The following SLC9A1 variants were observed in gnomAD, a reference collection of about 807,000 sequenced individuals.
SLC9A1 encodes the protein sodium/hydrogen exchanger 1.
SLC9A1 carries 22 observed loss-of-function variants against 67.9 expected under a neutral mutation model. The observed-to-expected ratio is 0.32, with a 90% CI of 0.23 to 0.46. The LOEUF (loss-of-function observed/expected upper bound fraction) is 0.46, where lower values mean the gene tolerates loss of function less well. Ranked by LOEUF, SLC9A1 falls within the 20% of genes least tolerant of loss-of-function variation. The probability of loss-of-function intolerance (pLI) is 1.00; values close to 1 mark genes in which losing one functional copy is unlikely to be tolerated. For synonymous variants in SLC9A1, 421 were observed against 471.8 expected, an observed-to-expected ratio of 0.89 and a Z score of 1.40; for missense variants, 686 against 1,094.8, an observed-to-expected ratio of 0.63 and a Z score of 5.27.
At chr1:27,134,847 C>T (rs2083408979) in intron 1 of SLC9A1, among the ~76,000 whole-genome samples, 1 of 152,122 alleles carries the variant, frequency 6.6e-6, no homozygotes, top group African/African-American at 2.4e-5. Flanking sequence ...AATGATTCTC[C>T]CACCTTGGCC....
intron 2 of SLC9A1, among the ~76,000 whole-genome samples, chr1:27,111,700 C>CT (rs1361406387): frequency 2.6e-5 from 4 of 152,126 alleles, no homozygotes; most frequent in African/African-American, 9.7e-5. Flanking sequence ...GTCCCAGCTA[C>CT]TTGGGAGGCT....
intron 8 of SLC9A1, 90 bp from the exon 9 acceptor site, chr1:27,102,220 G>A: frequency 7.4e-7 from 1 of 1,350,222 alleles, no homozygotes; most frequent in Non-Finnish European, 1.1e-6. Context: ...CCCTAGGGAT[G>A]ACCCAGGTGG....
At position 27,101,243 on chromosome 1, in the gene SLC9A1, C is replaced by T. The variant is rs750796635; in HGVS notation, c.2070G>A (p.Lys690=). 5 of 1,612,314 alleles carry T rather than the reference C, an allele frequency of 3.1e-6. No individual in the cohort carries two copies. Among genetic ancestry groups the T allele is most frequent in the Non-Finnish European group, 4.2e-6 (5 of 1,179,972 alleles). The change falls in exon 11 of 12, where the codon AAG becomes AAA. Residue 690 remains lysine (K), a synonymous_variant. Transcript: ENST00000263980. The surrounding 1 kb of genome is among the most constrained non-coding windows in gnomAD (Gnocchi z 4.9). ...CCCGAGACATGGTGGGTGAGTCCAG[C>T]TTGTGGGCTGGCACCGTCAGGTAGT... ...INNYLTVPAH[K]LDSPTMSRAR... is the part of the protein sequence containing the mutation.
In SLC9A1 at chr1:27,130,392, G is replaced by A. The variant is rs184039764; in HGVS notation, c.353-16106C>T. The stretch of plus-strand genomic sequence containing the variant: ...GCTGGGATTACAGGCGTGAGCCACC[G>A]CACCCGGCCTAAACTGCTGGTCTTT... On this transcript the variant is annotated intron_variant, in intron 1 of 11. Transcript: ENST00000263980. 7.8e-3 allele frequency among the ~76,000 whole-genome samples: 1,180 copies of A among 152,256 alleles called. 14 individuals are homozygous for A. The highest frequency in any genetic ancestry group is 0.026 in the African/African-American group (1,091 of 41,560).
rs529216512 is a variant in SLC9A1 at position 27,116,797 on chromosome 1, C to T, written c.353-2511G>A. On this transcript the variant is annotated intron_variant, in intron 1 of 11. Coordinates refer to ENST00000263980, the MANE Select transcript of SLC9A1 (RefSeq NM_003047.5). ...ATCTGCTCTTGCCTCATGTCCCATTCTCCCCACTGTCAACTCTTAGGTTTC... is the reference window on the plus strand; with the variant it reads ...ATCTGCTCTTGCCTCATGTCCCATTTTCCCCACTGTCAACTCTTAGGTTTC... Among the ~76,000 whole-genome samples, 366 of 152,276 alleles carry T rather than the reference C, an allele frequency of 2.4e-3. 1 individual carries two copies. Among genetic ancestry groups the T allele is most frequent in the Middle Eastern group, 0.01 (3 of 294 alleles).
intron 2 of SLC9A1, among the ~76,000 whole-genome samples, chr1:27,111,955 C>T (rs2083231318): frequency 6.6e-6 from 1 of 152,222 alleles, no homozygotes; most frequent in Non-Finnish European, 1.5e-5. Context: ...CTGCTTGATG[C>T]AACCATGCCC....
rs187433786 is a variant in SLC9A1 at position 27,146,934 on chromosome 1, A to G, written c.352+7049T>C. Among the ~76,000 whole-genome samples, 569 of 152,004 alleles carry G rather than the reference A, an allele frequency of 3.7e-3. 5 individuals carry two copies. The highest frequency in any genetic ancestry group is 0.013 in the African/African-American group (531 of 41,462). ...GCAGATCGCCTGAGGTCAGGAGTTC[A>G]AGACCAGCCTGGCCAACATGGCGAA... On this transcript the variant is annotated intron_variant, in intron 1 of 11. Coordinates refer to ENST00000263980, the MANE Select transcript of SLC9A1 (RefSeq NM_003047.5).
chr1:27,135,597 C>G (rs1032566082), intron 1 of SLC9A1, among the ~76,000 whole-genome samples: 11 of 145,960 alleles, frequency 7.5e-5, no homozygotes, highest in African/African-American at 2.3e-4. Context: ...AAATTCAGTA[C>G]TAAACACTTT....
chr1:27,151,484 C>T (rs1344718268), intron 1 of SLC9A1, among the ~76,000 whole-genome samples: 4 of 152,128 alleles, frequency 2.6e-5, no homozygotes, highest in African/African-American at 4.8e-5. Context: ...CCTTGGCCTC[C>T]AGAGTAGCTG....
At chr1:27,103,156 G>T in intron 6 of SLC9A1, 67 bp downstream of exon 6, 1 of 1,181,440 alleles carries the variant, frequency 8.5e-7, no homozygotes, top group Non-Finnish European at 1.3e-6. Context: ...AGAGACTTGA[G>T]GCCCAGCTGC....
At chr1:27,139,610 G>A (rs1358529994) in intron 1 of SLC9A1, among the ~76,000 whole-genome samples, 1 of 151,226 alleles carries the variant, frequency 6.6e-6, no homozygotes, top group African/African-American at 2.5e-5. Flanking sequence ...CACAGGTGCA[G>A]TTAGCTTCTC....
chr1:27,145,776 G>C (rs991926660), intron 1 of SLC9A1, among the ~76,000 whole-genome samples: 2 of 152,128 alleles, frequency 1.3e-5, no homozygotes, highest in Non-Finnish European at 2.9e-5. Context: ...CTGGATTCTT[G>C]GCAAGTAGTA....
chr1:27,131,440 A>G (rs923525717), intron 1 of SLC9A1, among the ~76,000 whole-genome samples: 4 of 70,442 alleles, frequency 5.7e-5, no homozygotes, highest in African/African-American at 2.0e-4. Flanking sequence ...CTAAAAATAC[A>G]AAAAAAAAAA....
At chr1:27,140,062 G>A (rs954122051) in intron 1 of SLC9A1, among the ~76,000 whole-genome samples, 4 of 151,814 alleles carry the variant, frequency 2.6e-5, no homozygotes, top group Admixed American at 2.6e-4. Context: ...CAAAGTGCCG[G>A]GATTACAGGT....
Position 27,109,411 on chromosome 1 carries a change from C to T in SLC9A1, c.1064+116G>A, listed in dbSNP as rs2083211909. On this transcript the variant is annotated intron_variant, in intron 3 of 11. Transcript: ENST00000263980. This position sits in a 1 kb window ranked among gnomAD's most constrained non-coding sequence, Gnocchi z 5.5. ...TGGAGCCTGGAGTTCATGTCTCATC[C>T]CTGGAGCTCAAGGCTGGGCCCTGGG... is the stretch of plus-strand genomic sequence containing the variant. 1 of 1,140,208 alleles carries T rather than the reference C, an allele frequency of 8.8e-7. No homozygotes were observed. Among genetic ancestry groups the T allele is most frequent in the Non-Finnish European group, 1.3e-6 (1 of 782,842 alleles). The allele number at this position is 1,140,208 out of a possible 1,614,324, so 70.6% of individuals were successfully genotyped here.
chr1:27,131,665 T>C (rs1306166972), intron 1 of SLC9A1, among the ~76,000 whole-genome samples: 1 of 150,342 alleles, frequency 6.7e-6, no homozygotes, highest in East Asian at 1.9e-4. Flanking sequence ...GGAGAATTGC[T>C]TGAACCCAGG....
intron 3 of SLC9A1, among the ~76,000 whole-genome samples, chr1:27,108,649 A>G (rs1043263362): frequency 3.3e-5 from 5 of 152,128 alleles, no homozygotes; most frequent in Admixed American, 6.5e-5. Flanking sequence ...AGCCTGGGTG[A>G]CAAGAGTGGG....
rs534231113 is a variant in SLC9A1, at chr1:27,100,377, C to T, written c.2378G>A (p.Arg793His). The T allele has an allele frequency of 3.8e-5, 61 of 1,585,834 alleles. No homozygotes were observed. Among genetic ancestry groups the T allele is most frequent in the East Asian group, 1.8e-4 (8 of 44,764 alleles). Reference protein sequence around the residue: ...SDSPSSQRIQRCLSDPGPHPE... With the variant: ...SDSPSSQRIQHCLSDPGPHPE... ...GTGTGGGCCTGGGTCACTGAGGCAG[C>T]GCTGTATCCTCTGGGAGCTGGGGCT... Residue 793 changes from arginine to histidine, a missense_variant, in exon 12 of 12, where the codon CGC (arginine) becomes CAC (histidine). Coordinates refer to ENST00000263980, the MANE Select transcript of SLC9A1 (RefSeq NM_003047.5). The surrounding 1 kb of genome is among the most constrained non-coding windows in gnomAD (Gnocchi z 5.6).
intron 1 of SLC9A1, among the ~76,000 whole-genome samples, chr1:27,138,245 A>G (rs2124197587): frequency 6.6e-6 from 1 of 152,066 alleles, no homozygotes; most frequent in South Asian, 2.1e-4. Context: ...CAGGTTCCTC[A>G]AGCACACCCC....
Sources: gnomAD v4.1 joint callset for allele counts (sites outside exome capture counted in the v4.1 genomes callset) on GRCh38, gnomAD v4.1.1 for gene constraint, Gnocchi (gnomAD v3.1) non-coding constraint, MANE v1.5 for transcripts, NCBI Gene and HGNC (gene_info 2026-07-23, HGNC 2026-07-21) for gene names.